The following ECPAS variants were observed in gnomAD, a reference collection of about 807,000 sequenced individuals.
ECPAS encodes proteasome adapter and scaffold protein ECM29.
A neutral mutation model predicts 255.1 loss-of-function variants in ECPAS; 70 were observed. That is an observed-to-expected ratio of 0.27 (90% CI 0.23 to 0.33). ECPAS has a LOEUF of 0.33. Among genes scored for constraint, ECPAS ranks in the 10% least tolerant of loss-of-function variants. The pLI is 1.00. For synonymous variants in ECPAS, 784 were observed against 775.0 expected, an observed-to-expected ratio of 1.01 and a Z score of -0.19; for missense variants, 1,817 against 2,206.4, an observed-to-expected ratio of 0.82 and a Z score of 3.54.
At chr9:111,391,708 T>C in intron 29 of ECPAS, 48 bp downstream of exon 29, 1 of 1,119,584 alleles carries the variant, frequency 8.9e-7, no homozygotes, top group East Asian at 2.5e-5. Context: ...AATAAATGCA[T>C]ATATATATTT....
Position 111,363,657 on chromosome 9 carries a change from T to C in ECPAS, c.5311A>G (p.Asn1771Asp). The change falls in exon 49 of 50, where the codon AAT becomes GAT. Residue 1771 changes from asparagine (N) to aspartate (D), a missense_variant and splice_region_variant. Physicochemically the swap from Asn to Asp is conservative, Grantham distance 23 (BLOSUM62 1). This residue lies in a region of ECPAS where 960 missense variants were observed against 1,179.0 expected (regional missense o/e 0.81). Coordinates refer to ENST00000684092, the MANE Select transcript of ECPAS (RefSeq NM_001364929.1). ...TCKSITYSLE[N>D]KTYSSVRTEA... ...GTTCTCACAGATGAGTAGGTCTTAT[T>C]TTCTAAAAAGAAATATCATACAGTT... 2 of 1,483,972 alleles carry C rather than the reference T, an allele frequency of 1.3e-6. No homozygotes were observed. Among genetic ancestry groups the C allele is most frequent in the African/African-American group, 1.5e-5 (1 of 68,804 alleles). The allele number at this position is 1,483,972 out of a possible 1,614,324, so 91.9% of individuals were successfully genotyped here.
chr9:111,483,042 TTAC>T (rs1207786716), intron 1 of ECPAS, among the ~76,000 whole-genome samples: 1 of 152,198 alleles, frequency 6.6e-6, no homozygotes, highest in African/African-American at 2.4e-5. Context: ...TTTCGGCTGA[TTAC>T]TAGAGTGTCA....
chr9:111,400,580 G>C (rs1373465191), intron 24 of ECPAS, among the ~76,000 whole-genome samples: 1 of 152,116 alleles, frequency 6.6e-6, no homozygotes, highest in Non-Finnish European at 1.5e-5. Flanking sequence ...ATTTAGTAAA[G>C]AGATTAAAAT....
intron 1 of ECPAS, among the ~76,000 whole-genome samples, chr9:111,482,439 T>C (rs1428877609): frequency 6.6e-6 from 1 of 152,218 alleles, no homozygotes; most frequent in Admixed American, 6.5e-5. Flanking sequence ...AGTGAGATCA[T>C]GTATATAAAA....
intron 23 of ECPAS, among the ~76,000 whole-genome samples, chr9:111,409,520 C>T (rs2098190653): frequency 6.6e-6 from 1 of 151,434 alleles, no homozygotes; most frequent in African/African-American, 2.4e-5. Context: ...GCCGAGATCA[C>T]GCCATTGCAC....
chr9:111,426,694 CAAA>C (rs11326973), intron 10 of ECPAS, among the ~76,000 whole-genome samples: 12 of 130,868 alleles, frequency 9.2e-5, no homozygotes, highest in Admixed American at 1.5e-4. Context: ...TGTCTCACTT[CAAA>C]AAAAAAAAAA....
chr9:111,414,385 G>A, intron 19 of ECPAS, 44 bp downstream of exon 19: 4 of 1,504,736 alleles, frequency 2.7e-6, no homozygotes, highest in Non-Finnish European at 3.7e-6. Flanking sequence ...TTAGATTTTT[G>A]CTTAAGTGCT....
At position 111,440,960 on chromosome 9, in the gene ECPAS, C is replaced by T. The variant is rs901866456; in HGVS notation, c.390-439G>A. 3.3e-5 allele frequency among the ~76,000 whole-genome samples: 5 copies of T among 151,284 alleles called. No homozygotes were observed. The East Asian group carries it at 5.9e-4, about 18-fold the overall frequency. On this transcript the variant is annotated intron_variant, in intron 5 of 49. Coordinates refer to ENST00000684092, the MANE Select transcript of ECPAS (RefSeq NM_001364929.1). ...CGGGCAGATGACGAGGTCAGGAGAT[C>T]GAGACCATGGTGAAACCCCGTCTCT...
rs761294031 is a variant in ECPAS, at chr9:111,410,228, A to T, written c.2378-15T>A. 6.2e-7 allele frequency: 1 copy of T among 1,600,150 alleles called. No individual in the cohort carries two copies. The highest frequency in any genetic ancestry group is 8.5e-7 in the Non-Finnish European group (1 of 1,173,766). ...CAAAAATGAGCCTGTAAGCACATTT[A>T]GCCAAAAAGAGAATTACATACCATT... On this transcript the variant is annotated splice_polypyrimidine_tract_variant and intron_variant, in intron 22 of 49. Coordinates refer to ENST00000684092, the MANE Select transcript of ECPAS (RefSeq NM_001364929.1).
intron 18 of ECPAS, among the ~76,000 whole-genome samples, chr9:111,414,870 CTG>C (rs778572763): frequency 3.9e-5 from 6 of 152,174 alleles, no homozygotes; most frequent in Non-Finnish European, 5.9e-5. Context: ...AAAATACAAA[CTG>C]AACTTTTAAA....
At chr9:111,459,553 A>T (rs1278878515) in intron 2 of ECPAS, among the ~76,000 whole-genome samples, 2 of 152,202 alleles carry the variant, frequency 1.3e-5, no homozygotes, top group Non-Finnish European at 2.9e-5. Flanking sequence ...TATGCTAGGT[A>T]TGTTAATAAC....
intron 2 of ECPAS, among the ~76,000 whole-genome samples, chr9:111,455,927 T>C (rs1330251811): frequency 6.6e-6 from 1 of 152,202 alleles, no homozygotes; most frequent in Non-Finnish European, 1.5e-5. Context: ...AGTACAAATA[T>C]ATGCTGAATC....
intron 41 of ECPAS, 40 bp downstream of exon 41, chr9:111,373,130 T>A (rs367663320): frequency 4.0e-6 from 6 of 1,509,746 alleles, no homozygotes; most frequent in Non-Finnish European, 5.5e-6. Context: ...GCTGTTAACA[T>A]CTAAATTTAA....
chr9:111,373,888 GA>G (rs1293120282), intron 39 of ECPAS, 83 bp downstream of exon 39: 6 of 998,848 alleles, frequency 6.0e-6, no homozygotes, highest in Non-Finnish European at 9.6e-6. Flanking sequence ...AGGTCTGAAT[GA>G]TAAGTATTTT....
chr9:111,368,972 A>T, intron 46 of ECPAS, 63 bp downstream of exon 46: 2 of 1,397,366 alleles, frequency 1.4e-6, no homozygotes, highest in Non-Finnish European at 1.9e-6. Context: ...CATAGAGAAA[A>T]TTCTTCGCTC....
In ECPAS at chr9:111,483,408, C is replaced by T. The variant is rs557809611; in HGVS notation, c.-83+708G>A. The T allele has an allele frequency of 3.2e-4, 167 of 517,838 alleles. No homozygotes were observed. The South Asian group carries it at 0.012, about 38-fold the overall frequency. The allele number at this position is 517,838 out of a possible 1,614,324, so 32.1% of individuals were successfully genotyped here. A position where few individuals can be genotyped will look rare whatever the true frequency, so the allele number is the denominator to read the frequency against. Reference sequence around the variant, plus strand: ...TACGCCGCGGCCGCCGCCCGCCCACCGGGCCTGGCGCCCCAGCCCTCATGC... The same window carrying T: ...TACGCCGCGGCCGCCGCCCGCCCACTGGGCCTGGCGCCCCAGCCCTCATGC... On this transcript the variant is annotated intron_variant, in intron 1 of 49. Transcript: ENST00000684092.
intron 31 of ECPAS, among the ~76,000 whole-genome samples, chr9:111,386,830 A>AC (rs2098149379): frequency 6.6e-6 from 1 of 152,136 alleles, no homozygotes; most frequent in Non-Finnish European, 1.5e-5. Context: ...CCCAGGTCCT[A>AC]CTTGCTTGGC....
intron 41 of ECPAS, among the ~76,000 whole-genome samples, chr9:111,372,947 G>A (rs1201921115): frequency 6.6e-6 from 1 of 152,026 alleles, no homozygotes; most frequent in Non-Finnish European, 1.5e-5. Flanking sequence ...CACAAGAATC[G>A]CTTGAGCCCA....
intron 24 of ECPAS, among the ~76,000 whole-genome samples, chr9:111,397,852 C>T (rs1476902728): frequency 1.3e-5 from 2 of 152,316 alleles, no homozygotes; most frequent in Admixed American, 1.3e-4. Flanking sequence ...GTTCTTTACA[C>T]TATTCTTACA....
Sources: allele counts gnomAD v4.1 joint callset (sites outside exome capture counted in the v4.1 genomes callset), GRCh38; gene constraint gnomAD v4.1.1; regional missense constraint gnomAD v4.1.1; transcripts MANE v1.5; gene names NCBI Gene and HGNC (gene_info 2026-07-23, HGNC 2026-07-21).